ERBIN: variants seen among roughly 807,000 people sequenced by gnomAD.
ERBIN encodes the protein erbb2 interacting protein, also known as densin-180-like protein.
A neutral mutation model predicts 158.4 loss-of-function variants in ERBIN; 60 were observed. That is an observed-to-expected ratio of 0.38 (90% CI 0.31 to 0.47). The LOEUF is 0.47. Among genes scored for constraint, ERBIN ranks in the 20% least tolerant of loss-of-function variants. The pLI is 0.99. For synonymous variants in ERBIN, 594 were observed against 557.2 expected (o/e 1.07, Z -0.93); for missense variants, 1,610 against 1,648.0 (o/e 0.98, Z 0.40).
In ERBIN at chr5:66,054,887, G is replaced by A. The variant is rs761900712; in HGVS notation, c.3569G>A (p.Ser1190Asn). 4.3e-6 allele frequency: 7 copies of A among 1,613,964 alleles called. No homozygotes were observed. In the East Asian group the frequency reaches 1.6e-4, roughly 36 times the overall value. ...EHSLLDPPGKSKVPRDWREQV... is the reference protein window; with the variant it reads ...EHSLLDPPGKNKVPRDWREQV... Reference sequence around the variant, plus strand: ...TCTTTATTAGATCCTCCAGGAAAAAGTAAAGTTCCTCGTGACTGGAGAGAA... The same window carrying A: ...TCTTTATTAGATCCTCCAGGAAAAAATAAAGTTCCTCGTGACTGGAGAGAA... The change falls in exon 21 of 26, where the codon AGT becomes AAT. Residue 1190 changes from serine (S) to asparagine (N), a missense_variant. Ser to Asn is a conservative substitution (Grantham distance 46). Around this residue, in one of 2 missense-constraint regions of ERBIN, gnomAD observed 1,014 missense variants for 936.1 expected, o/e 1.08. Transcript: ENST00000284037.
intron 4 of ERBIN, among the ~76,000 whole-genome samples, chr5:66,003,824 A>G (rs1230711423): frequency 1.3e-5 from 2 of 151,824 alleles, no homozygotes; most frequent in Admixed American, 6.5e-5. Context: ...TCTCAGAAGT[A>G]AAGAGAGAGA....
At chr5:65,966,674 C>CT (rs1417435177) in intron 1 of ERBIN, among the ~76,000 whole-genome samples, 3 of 84,536 alleles carry the variant, frequency 3.5e-5, no homozygotes, top group Non-Finnish European at 6.2e-5. Flanking sequence ...GAGTGAAACT[C>CT]TGTCTCAAAA....
At chr5:66,056,427 G>C (rs750090256) in intron 21 of ERBIN, among the ~76,000 whole-genome samples, 5 of 152,044 alleles carry the variant, frequency 3.3e-5, no homozygotes, top group Non-Finnish European at 5.9e-5. Context: ...TTTATGTTCT[G>C]TGTAGTTTTC....
At chr5:66,034,759 T>G (rs1757226180) in intron 14 of ERBIN, among the ~76,000 whole-genome samples, 1 of 152,192 alleles carries the variant, frequency 6.6e-6, no homozygotes, top group African/African-American at 2.4e-5. Context: ...GTGGTGATAC[T>G]AATTTGCTCA....
chr5:65,953,514 TG>T (rs955686591), intron 1 of ERBIN, among the ~76,000 whole-genome samples: 1 of 152,178 alleles, frequency 6.6e-6, no homozygotes, highest in Admixed American at 6.5e-5. Context: ...AAGGGATCCA[TG>T]TTGCTACATT....
At chr5:66,058,281 G>C (rs1196117943) in intron 21 of ERBIN, among the ~76,000 whole-genome samples, 1 of 151,850 alleles carries the variant, frequency 6.6e-6, no homozygotes, top group African/African-American at 2.4e-5. Flanking sequence ...GTATTTCTCT[G>C]ATGGCCAGTG....
At chr5:66,001,882 G>A (rs1753043421) in intron 4 of ERBIN, among the ~76,000 whole-genome samples, 1 of 152,044 alleles carries the variant, frequency 6.6e-6, no homozygotes, top group South Asian at 2.1e-4. Flanking sequence ...GTGCCATGGT[G>A]GTTTGCTGCA....
intron 21 of ERBIN, among the ~76,000 whole-genome samples, chr5:66,056,773 G>A (rs967735276): frequency 6.6e-6 from 1 of 152,048 alleles, no homozygotes; most frequent in East Asian, 1.9e-4. Flanking sequence ...TTGAAGTTAC[G>A]AGGGGTGCTT....
Position 66,013,645 on chromosome 5 carries a change from T to C in ERBIN, c.476+7T>C. 6.3e-7 allele frequency: 1 copy of C among 1,593,732 alleles called. No homozygotes were observed. Among genetic ancestry groups the C allele is most frequent in the Non-Finnish European group, 8.6e-7 (1 of 1,161,700 alleles). ...TGCCAGCAAATTTTGGCAGGTAAAT[T>C]ATGGTTTCTTCTAAAACGTTTTATT... On this transcript the variant is annotated splice_region_variant and intron_variant, in intron 6 of 25. Coordinates refer to ENST00000284037, the MANE Select transcript of ERBIN (RefSeq NM_001253697.2).
intron 1 of ERBIN, among the ~76,000 whole-genome samples, chr5:65,928,786 T>C (rs1742997574): frequency 6.6e-6 from 1 of 152,230 alleles, no homozygotes; most frequent in Admixed American, 6.5e-5. Flanking sequence ...TTTTAGGTTT[T>C]ATACTATTGT....
intron 1 of ERBIN, among the ~76,000 whole-genome samples, chr5:65,956,901 G>A (rs575100348): frequency 6.6e-5 from 10 of 151,394 alleles, no homozygotes; most frequent in African/African-American, 1.9e-4. Context: ...CCAAAACGGG[G>A]ATTTTGAAAA....
At chr5:66,010,367 A>T (rs1318681024) in intron 4 of ERBIN, among the ~76,000 whole-genome samples, 1 of 152,146 alleles carries the variant, frequency 6.6e-6, no homozygotes, top group Non-Finnish European at 1.5e-5. Context: ...ATGTTAACTG[A>T]TGATGCCAAC....
chr5:66,018,481 T>TATATATC (rs1755115627), intron 7 of ERBIN, among the ~76,000 whole-genome samples: 1 of 4,846 alleles, frequency 2.1e-4, no homozygotes, highest in South Asian at 5.4e-3. Flanking sequence ...TATTATATAT[T>TATATATC]ATATATTATA....
At chr5:66,018,466 A>ATATATAT (rs1188816701) in intron 7 of ERBIN, among the ~76,000 whole-genome samples, 1,690 of 5,456 alleles carry the variant, frequency 0.31, 562 homozygotes, top group Middle Eastern at 0.5. Context: ...ATATTATATA[A>ATATATAT]TATATATTAT....
rs1198019696 is a variant in ERBIN at position 66,082,162 on chromosome 5, A to G, written c.*3632A>G. On this transcript the variant is annotated 3_prime_UTR_variant, in exon 26 of 26. Transcript: ENST00000284037. ...GTCAGCTATAACGTACAGTCCTAAT[A>G]TCCAACCACCTGAGAAGCTCATCCT... The G allele has an allele frequency of 1.3e-5, 2 of 152,212 alleles. No individual in the cohort carries two copies. Among genetic ancestry groups the G allele is most frequent in the East Asian group, 3.9e-4 (2 of 5,194 alleles). 9.4% of individuals were successfully genotyped at this position (152,212 alleles called of 1,614,324 possible).
At chr5:65,949,642 C>T (rs1003354225) in intron 1 of ERBIN, among the ~76,000 whole-genome samples, 1 of 152,112 alleles carries the variant, frequency 6.6e-6, no homozygotes, top group Non-Finnish European at 1.5e-5. Flanking sequence ...GCTAAATAGT[C>T]CAGAGGATTC....
intron 22 of ERBIN, among the ~76,000 whole-genome samples, chr5:66,073,056 A>T (rs1288087957): frequency 6.6e-6 from 1 of 152,014 alleles, no homozygotes; most frequent in Non-Finnish European, 1.5e-5. Flanking sequence ...GTTTTTTCTC[A>T]TTACATATAT....
At chr5:65,935,522 T>G (rs1743970090) in intron 1 of ERBIN, among the ~76,000 whole-genome samples, 1 of 152,218 alleles carries the variant, frequency 6.6e-6, no homozygotes. Context: ...GAGATAAAAT[T>G]CCAAACTGTA....
At chr5:66,038,878 A>C (rs1757662320) in intron 15 of ERBIN, among the ~76,000 whole-genome samples, 1 of 152,034 alleles carries the variant, frequency 6.6e-6, no homozygotes, top group African/African-American at 2.4e-5. Flanking sequence ...TCTGACTATA[A>C]ATACTACTCT....
Sources: allele counts gnomAD v4.1 joint callset (sites outside exome capture counted in the v4.1 genomes callset), GRCh38; gene constraint gnomAD v4.1.1; regional missense constraint gnomAD v4.1.1; transcripts MANE v1.5; gene names NCBI Gene and HGNC (gene_info 2026-07-23, HGNC 2026-07-21).